ARID4B: variants seen among roughly 807,000 people sequenced by gnomAD.
The protein encoded by ARID4B is AT-rich interaction domain 4B, also known as AT-rich interactive domain-containing protein 4B.
Under a neutral mutation model 147.5 loss-of-function variants are expected in ARID4B, and 26 were observed. The ratio of observed to expected loss-of-function variants is 0.18; its 90% CI spans 0.13 to 0.24. The LOEUF (loss-of-function observed/expected upper bound fraction) is 0.24, where lower values mean the gene tolerates loss of function less well. Among genes scored for constraint, ARID4B ranks in the 10% least tolerant of loss-of-function variants. The pLI is 1.00. For synonymous variants in ARID4B, 512 were observed against 507.9 expected (o/e 1.01, Z -0.11); for missense variants, 1,179 against 1,511.5 (o/e 0.78, Z 3.65).
At position 235,182,808 on chromosome 1, in the gene ARID4B, A is replaced by C. The variant is rs777185565; in HGVS notation, c.2126-15T>G. 6.5e-7 allele frequency: 1 copy of C among 1,539,498 alleles called. No individual in the cohort carries two copies. Among genetic ancestry groups the C allele is most frequent in the African/African-American group, 1.6e-5 (1 of 61,856 alleles). On this transcript the variant is annotated splice_polypyrimidine_tract_variant and intron_variant, in intron 19 of 23. Transcript: ENST00000264183. ...ACTTTCAGAAGCTAGAAAATAACAG[A>C]AAAAAAAATGATGAGTATGATAAGA... is the stretch of plus-strand genomic sequence containing the variant.
chr1:235,225,692 T>C (rs562540106), intron 11 of ARID4B, among the ~76,000 whole-genome samples: 2 of 152,316 alleles, frequency 1.3e-5, no homozygotes, highest in Admixed American at 1.3e-4. Context: ...AATATACAGA[T>C]TTGTAACAGT....
rs181323868 is a variant in ARID4B, at chr1:235,286,057, T to G, written c.7-25305A>C. Among the ~76,000 whole-genome samples the G allele has an allele frequency of 4.4e-3, 649 of 146,800 alleles. 10 individuals carry two copies. The highest frequency in any genetic ancestry group is 6.1e-3 in the Non-Finnish European group (411 of 67,596). On this transcript the variant is annotated intron_variant, in intron 2 of 23. Coordinates refer to ENST00000264183, the MANE Select transcript of ARID4B (RefSeq NM_016374.6). ...TTCTGGCTTTTGGGTTTTGTTTTGT[T>G]TTGTTTTGAGATAGGGTCTCCCTCT...
intron 12 of ARID4B, 46 bp from the exon 13 acceptor site, chr1:235,223,306 A>G: frequency 5.1e-6 from 5 of 988,152 alleles, no homozygotes; most frequent in East Asian, 3.1e-5. Flanking sequence ...CTACATTTTT[A>G]ATTTAAAATT....
chr1:235,299,362 C>T (rs1339293926), intron 2 of ARID4B, among the ~76,000 whole-genome samples: 1 of 152,126 alleles, frequency 6.6e-6, no homozygotes, highest in East Asian at 1.9e-4. Flanking sequence ...TACAGGAGCC[C>T]ACCACCACGC....
Position 235,219,926 on chromosome 1 carries a change from C to G in ARID4B, c.1450G>C (p.Asp484His), listed in dbSNP as rs1181558892. Residue 484 changes from aspartate to histidine, a missense_variant, in exon 16 of 24, where the codon GAT (aspartate) becomes CAT (histidine). By Grantham distance (81) the Asp-to-His change is moderately conservative (BLOSUM62 -1). Coordinates refer to ENST00000264183, the MANE Select transcript of ARID4B (RefSeq NM_016374.6). ...TTAATGTTAACTTCTTTTTCCTGAT[C>G]AGAATGTGTAGGTATAGATTCTAAT... is the stretch of plus-strand genomic sequence containing the variant. The part of the protein sequence containing the change: ...NLLESIPTHS[D>H]QEKEVNIKKP... 3.1e-6 allele frequency: 5 copies of G among 1,587,790 alleles called. No homozygotes were observed. Among genetic ancestry groups the G allele is most frequent in the Non-Finnish European group, 4.3e-6 (5 of 1,160,962 alleles).
chr1:235,317,752 G>A (rs1674536873), intron 2 of ARID4B, among the ~76,000 whole-genome samples: 1 of 152,142 alleles, frequency 6.6e-6, no homozygotes, highest in Admixed American at 6.6e-5. Flanking sequence ...AAAGAGCCAG[G>A]AATTTCTACC....
intron 23 of ARID4B, among the ~76,000 whole-genome samples, chr1:235,171,718 C>T (rs1663377967): frequency 6.6e-6 from 1 of 151,978 alleles, no homozygotes; most frequent in Non-Finnish European, 1.5e-5. Flanking sequence ...CCGTTCACTG[C>T]AACATCTGCC....
chr1:235,315,564 T>C (rs572091072), intron 2 of ARID4B, among the ~76,000 whole-genome samples: 8 of 152,262 alleles, frequency 5.3e-5, no homozygotes, highest in Admixed American at 5.2e-4. Flanking sequence ...AAAAGTGATA[T>C]ACCCTATTTT....
chr1:235,297,502 C>T (rs865917699), intron 2 of ARID4B, among the ~76,000 whole-genome samples: 3 of 152,076 alleles, frequency 2.0e-5, no homozygotes, highest in Non-Finnish European at 2.9e-5. Context: ...ATTCCAAAAT[C>T]ACCGTTTTGC....
intron 2 of ARID4B, among the ~76,000 whole-genome samples, chr1:235,263,790 A>G (rs1365907024): frequency 6.6e-6 from 1 of 151,772 alleles, no homozygotes; most frequent in African/African-American, 2.4e-5. Flanking sequence ...GATCAAAACC[A>G]TCCTGGCTAA....
intron 16 of ARID4B, among the ~76,000 whole-genome samples, chr1:235,214,809 C>T (rs1338675340): frequency 2.1e-5 from 3 of 143,772 alleles, no homozygotes; most frequent in Non-Finnish European, 3.0e-5. Context: ...AACTAAAAGT[C>T]AAACTATTCT....
chr1:235,295,680 G>C (rs1672648050), intron 2 of ARID4B, among the ~76,000 whole-genome samples: 1 of 149,768 alleles, frequency 6.7e-6, no homozygotes, highest in African/African-American at 2.5e-5. Flanking sequence ...CATGGTGGAG[G>C]GTGCCTATAA....
At chr1:235,313,886 A>G (rs1353211210) in intron 2 of ARID4B, among the ~76,000 whole-genome samples, 1 of 152,242 alleles carries the variant, frequency 6.6e-6, no homozygotes, top group African/African-American at 2.4e-5. Context: ...GAAGGAAAGA[A>G]TAACAGATTT....
At chr1:235,273,589 A>G (rs757347222) in intron 2 of ARID4B, among the ~76,000 whole-genome samples, 8 of 152,224 alleles carry the variant, frequency 5.3e-5, no homozygotes, top group Non-Finnish European at 1.0e-4. Context: ...GAAAATGTAT[A>G]CTTGTACCTG....
chr1:235,274,864 C>T (rs1671216340), intron 2 of ARID4B, among the ~76,000 whole-genome samples: 1 of 152,164 alleles, frequency 6.6e-6, no homozygotes, highest in Admixed American at 6.5e-5. Context: ...GCCTTAAAAA[C>T]ACTCTATATA....
At chr1:235,291,850 G>A (rs1185433224) in intron 2 of ARID4B, among the ~76,000 whole-genome samples, 1 of 152,156 alleles carries the variant, frequency 6.6e-6, no homozygotes, top group Admixed American at 6.6e-5. Context: ...AACAGTGTGT[G>A]TAATTTACAA....
chr1:235,318,002 C>T (rs1047905258), intron 2 of ARID4B, among the ~76,000 whole-genome samples: 3 of 152,014 alleles, frequency 2.0e-5, no homozygotes, highest in South Asian at 2.1e-4. Context: ...CATGTTCGCA[C>T]AGAAACTTAC....
At chr1:235,279,175 A>C (rs1157440833) in intron 2 of ARID4B, among the ~76,000 whole-genome samples, 2 of 152,164 alleles carry the variant, frequency 1.3e-5, no homozygotes, top group Non-Finnish European at 2.9e-5. Context: ...TTTGTGTCTT[A>C]ACAAGCCCTC....
intron 6 of ARID4B, among the ~76,000 whole-genome samples, chr1:235,251,143 G>A (rs1026360319): frequency 1.3e-5 from 2 of 152,030 alleles, no homozygotes; most frequent in South Asian, 2.1e-4. Context: ...CTAGGAAAAG[G>A]GGGGCCTATC....
Sources: allele counts gnomAD v4.1 joint callset (sites outside exome capture counted in the v4.1 genomes callset), GRCh38; gene constraint gnomAD v4.1.1; transcripts MANE v1.5; gene names NCBI Gene and HGNC (gene_info 2026-07-23, HGNC 2026-07-21).